The following CCDC125 variants were observed in gnomAD, a reference collection of about 807,000 sequenced individuals.
CCDC125 encodes the protein coiled-coil domain containing 125.
Under a neutral mutation model 57.4 loss-of-function variants are expected in CCDC125, and 43 were observed. The observed-to-expected ratio is 0.75, with a 90% CI of 0.59 to 0.97. CCDC125 has a LOEUF of 0.97. Among genes scored for constraint, CCDC125 ranks in the 50% least tolerant of loss-of-function variants. CCDC125 has a pLI of 0.00. For synonymous variants in CCDC125, 187 were observed against 195.2 expected (o/e 0.96, Z 0.35); for missense variants, 563 against 595.7 (o/e 0.95, Z 0.57).
chr5:69,295,150 T>C (rs1357424981), intron 8 of CCDC125, among the ~76,000 whole-genome samples: 2 of 152,210 alleles, frequency 1.3e-5, no homozygotes, highest in African/African-American at 4.8e-5. Flanking sequence ...TTACCTTCCT[T>C]CATCTCACTC....
At chr5:69,277,172 T>TAGCC, downstream of CCDC125, 1 of 1,523,738 alleles carries the variant, frequency 6.6e-7, no homozygotes, top group Middle Eastern at 1.8e-4. Flanking sequence ...CTGAGGGAAA[T>TAGCC]AGCCAAAAAG....
chr5:69,306,935 T>G (rs1348683543), intron 5 of CCDC125, 33 bp from the exon 6 acceptor site: 4 of 1,461,770 alleles, frequency 2.7e-6, no homozygotes, highest in Non-Finnish European at 2.7e-6. Context: ...TCATGGCAAA[T>G]TACTACAAAT....
chr5:69,285,522 C>T, intron 10 of CCDC125, 55 bp from the exon 11 acceptor site: 1 of 1,532,904 alleles, frequency 6.5e-7, no homozygotes. Flanking sequence ...CACTGATATA[C>T]TTCCAGCAAA....
At chr5:69,304,248 G>A (rs1406629330) in intron 6 of CCDC125, among the ~76,000 whole-genome samples, 2 of 151,654 alleles carry the variant, frequency 1.3e-5, no homozygotes, top group East Asian at 1.9e-4. Context: ...GGGATTACAG[G>A]TGTCTGCCAC....
rs1480789640 is a variant in CCDC125 at position 69,286,187 on chromosome 5, ACTATATATAT to A, written c.1100-730_1100-721del. On this transcript the variant is annotated intron_variant, in intron 10 of 11. Transcript: ENST00000396496. ...CACTTAAAAACAGTTCAAATGGTAAACTATATATATATATATATATATATATATATATATA... is the reference window on the plus strand; with the variant it reads ...CACTTAAAAACAGTTCAAATGGTAAAATATATATATATATATATATATATA... Among the ~76,000 whole-genome samples the A allele has an allele frequency of 1.1e-4, 6 of 53,936 alleles. No homozygotes were observed. The South Asian group carries it at 2.5e-3, about 22-fold the overall frequency. 35.4% of individuals were successfully genotyped at this position (53,936 alleles called of 152,430 possible).
chr5:69,287,328 A>G (rs1165020868), intron 10 of CCDC125, among the ~76,000 whole-genome samples: 1 of 151,364 alleles, frequency 6.6e-6, no homozygotes, highest in Admixed American at 6.6e-5. Context: ...CAACAGCGCA[A>G]TCTTGGCTCA....
At chr5:69,276,052 C>G (rs888423786), downstream of CCDC125, among the ~76,000 whole-genome samples, 2 of 151,734 alleles carry the variant, frequency 1.3e-5, no homozygotes, top group African/African-American at 2.4e-5. Context: ...TTTTTTGATA[C>G]GGAGCCTTGC....
In CCDC125 at chr5:69,285,390, T is replaced by C; in HGVS notation, c.1177A>G (p.Arg393Gly). 6.2e-7 allele frequency: 1 copy of C among 1,612,944 alleles called. No homozygotes were observed. The highest frequency in any genetic ancestry group is 1.1e-5 in the South Asian group (1 of 90,886). Reference protein sequence around the residue: ...GMLPSENSSKRMEDQDSPQEV... With the variant: ...GMLPSENSSKGMEDQDSPQEV... ...TGAGGACTGTCCTGGTCTTCCATCCTCTTAGAACTGTTTTCTGAAGGGAGC... is the reference window on the plus strand; with the variant it reads ...TGAGGACTGTCCTGGTCTTCCATCCCCTTAGAACTGTTTTCTGAAGGGAGC... The change falls in exon 11 of 12, where the codon AGG (arginine) becomes GGG (glycine). Residue 393 changes from arginine to glycine, a missense_variant. Coordinates refer to ENST00000396496, the MANE Select transcript of CCDC125 (RefSeq NM_176816.5).
chr5:69,278,363 G>T (rs904331058), downstream of CCDC125, among the ~76,000 whole-genome samples: 4 of 145,142 alleles, frequency 2.8e-5, no homozygotes, highest in African/African-American at 1.0e-4. Context: ...GTGCCACCAC[G>T]CCTGGCTAAT....
chr5:69,330,427 C>T (rs1390197012), intron 1 of CCDC125, among the ~76,000 whole-genome samples: 1 of 152,022 alleles, frequency 6.6e-6, no homozygotes, highest in African/African-American at 2.4e-5. Flanking sequence ...AACCCTGTCT[C>T]TGCTAAAAAT....
chr5:69,309,996 C>A (rs996217465), intron 4 of CCDC125: 1 of 152,132 alleles, frequency 6.6e-6, no homozygotes, highest in African/African-American at 2.4e-5. Flanking sequence ...CCAATTTCTC[C>A]CATTTGGAAT....
chr5:69,320,683 G>A (rs1273972847), intron 1 of CCDC125, 103 bp from the exon 2 acceptor site: 1 of 620,990 alleles, frequency 1.6e-6, no homozygotes, highest in Non-Finnish European at 2.8e-6. Flanking sequence ...TCAAAGAGAT[G>A]TCTACATTCC....
chr5:69,314,899 G>A (rs957919360), intron 2 of CCDC125, among the ~76,000 whole-genome samples: 4 of 152,188 alleles, frequency 2.6e-5, no homozygotes, highest in South Asian at 2.1e-4. Flanking sequence ...ATATTGGTGA[G>A]TAAAATAAAT....
Position 69,300,016 on chromosome 5 carries a change from A to G in CCDC125, c.812T>C (p.Leu271Pro), listed in dbSNP as rs779704848. The change falls in exon 8 of 12, where the codon CTT (leucine) becomes CCT (proline). Residue 271 changes from leucine (L) to proline (P), a missense_variant. By Grantham distance (98) the Leu-to-Pro change is moderately conservative. Coordinates refer to ENST00000396496, the MANE Select transcript of CCDC125 (RefSeq NM_176816.5). Reference sequence around the variant, plus strand: ...CTTTCCTGCATGCTTACCTACCTCAAGACCTGAAGCCTCTGCAAAGCCACT... The same window carrying G: ...CTTTCCTGCATGCTTACCTACCTCAGGACCTGAAGCCTCTGCAAAGCCACT... ...DKSGFAEASG[L>P]ELAVLGACLC... The G allele has an allele frequency of 2.5e-6, 4 of 1,612,632 alleles. No individual in the cohort carries two copies. Among genetic ancestry groups the G allele is most frequent in the Non-Finnish European group, 3.4e-6 (4 of 1,178,634 alleles).
In CCDC125 at chr5:69,303,853, T is replaced by G. The variant is rs778322544; in HGVS notation, c.694A>C (p.Asn232His). Residue 232 changes from asparagine (N) to histidine (H), a missense_variant, in exon 7 of 12, where the codon AAT becomes CAT. Physicochemically the swap from Asn to His is moderately conservative, Grantham distance 68. Transcript: ENST00000396496. ...ATACAAAAATCATCATTACCTGCAT[T>G]GTCAGACTTCAGCATTTTAATTTCT... ...TEEIKMLKSD[N>H]AVLNQRYLEA... The G allele has an allele frequency of 6.3e-7, 1 of 1,576,268 alleles. No individual in the cohort carries two copies. Among genetic ancestry groups the G allele is most frequent in the East Asian group, 2.2e-5 (1 of 44,480 alleles).
chr5:69,301,268 G>A (rs936234892), intron 7 of CCDC125, among the ~76,000 whole-genome samples: 2 of 151,942 alleles, frequency 1.3e-5, no homozygotes, highest in South Asian at 2.1e-4. Context: ...GAGCAACAGC[G>A]CCTGGCTTGT....
At chr5:69,314,097 T>A in intron 2 of CCDC125, 51 bp from the exon 3 acceptor site, 1 of 1,233,574 alleles carries the variant, frequency 8.1e-7, no homozygotes. Context: ...TTGAATATTT[T>A]AACTAATTAA....
At chr5:69,311,883 G>A (rs889995921) in intron 3 of CCDC125, among the ~76,000 whole-genome samples, 4 of 152,080 alleles carry the variant, frequency 2.6e-5, no homozygotes, top group African/African-American at 7.2e-5. Context: ...GCAGGCATGT[G>A]CCACTACTGC....
At chr5:69,286,409 T>G (rs1042763213) in intron 10 of CCDC125, among the ~76,000 whole-genome samples, 6 of 151,052 alleles carry the variant, frequency 4.0e-5, no homozygotes, top group Non-Finnish European at 8.8e-5. Flanking sequence ...TTTTTTTGTA[T>G]TTTTAGTAGA....
Sources: allele counts gnomAD v4.1 joint callset (sites outside exome capture counted in the v4.1 genomes callset), GRCh38; gene constraint gnomAD v4.1.1; transcripts MANE v1.5; gene names NCBI Gene and HGNC (gene_info 2026-07-23, HGNC 2026-07-21).